The following MICAL2 variants were observed in gnomAD, a reference collection of about 807,000 sequenced individuals.
The protein encoded by MICAL2 is [F-actin]-monooxygenase MICAL2.
MICAL2 carries 77 observed loss-of-function variants against 127.3 expected under a neutral mutation model. The ratio of observed to expected loss-of-function variants is 0.60; its 90% CI spans 0.50 to 0.73. MICAL2 has a LOEUF of 0.73. Among genes scored for constraint, MICAL2 ranks in the 30% least tolerant of loss-of-function variants. The pLI, the probability that MICAL2 is intolerant of heterozygous loss-of-function variation, is 0.00. For synonymous variants in MICAL2, 570 were observed against 551.1 expected (o/e 1.03, Z -0.48); for missense variants, 1,351 against 1,434.4 (o/e 0.94, Z 0.94).
chr11:12,294,797 G>GCTTCTC (rs1555018668), downstream of MICAL2: 1 of 1,442,282 alleles, frequency 6.9e-7, no homozygotes, highest in African/African-American at 2.0e-5. Flanking sequence ...GCGCCAGGCA[G>GCTTCTC]CTCCTCCTCC....
At chr11:12,244,388 A>G (rs986979068) in intron 21 of MICAL2, among the ~76,000 whole-genome samples, 48 of 152,352 alleles carry the variant, frequency 3.2e-4, no homozygotes, top group African/African-American at 1.1e-3. Flanking sequence ...AGATGCTGAG[A>G]AAACAGAGAG....
At chr11:12,221,326 A>C (rs16910811) in intron 9 of MICAL2, among the ~76,000 whole-genome samples, 5,429 of 152,264 alleles carry the variant, frequency 0.036, 294 homozygotes, top group African/African-American at 0.12. Context: ...CCATTTGTTA[A>C]AATCAGCTTA....
chr11:12,205,089 A>T (rs1449447496), intron 4 of MICAL2, among the ~76,000 whole-genome samples: 2 of 152,208 alleles, frequency 1.3e-5, no homozygotes, highest in Admixed American at 6.5e-5. Flanking sequence ...GAGAGAGAAC[A>T]TCATGATGGG....
At chr11:12,154,233 T>A (rs1334525523) in intron 2 of MICAL2, among the ~76,000 whole-genome samples, 1 of 152,178 alleles carries the variant, frequency 6.6e-6, no homozygotes, top group African/African-American at 2.4e-5. Flanking sequence ...ATGTCAGGGT[T>A]TCATGCAGGA....
In MICAL2 at chr11:12,280,968, G is replaced by GC. The variant is rs1863764354; in HGVS notation, c.124dup (p.Ser43LeufsTer7). ...GAGTCTGACTATGGTGGCAGCGAGG[G>GC]CTCCCACACAGAACCCTGTGAAGAG... On this transcript the variant is annotated frameshift_variant, in exon 2 of 3. Coordinates refer to the MICAL2 transcript ENST00000529028. LOFTEE classifies it high-confidence loss of function. 3.0e-5 allele frequency: 12 copies of GC among 398,694 alleles called. No homozygotes were observed. Among genetic ancestry groups the GC allele is most frequent in the Middle Eastern group, 6.2e-4 (1 of 1,612 alleles). The allele number at this position is 398,694 out of a possible 1,614,324, so 24.7% of individuals were successfully genotyped here. A position where few individuals can be genotyped will look rare whatever the true frequency, so the allele number is the denominator to read the frequency against.
intron 29 of MICAL2, among the ~76,000 whole-genome samples, chr11:12,319,300 G>A (rs569518675): frequency 3.3e-5 from 5 of 152,232 alleles, no homozygotes; most frequent in Admixed American, 6.5e-5. Context: ...TCTGCAGAAC[G>A]AACCTTACAC....
intron 1 of MICAL2, among the ~76,000 whole-genome samples, chr11:12,124,761 G>A (rs1023731657): frequency 4.6e-5 from 7 of 152,192 alleles, no homozygotes; most frequent in Admixed American, 3.9e-4. Context: ...GGCTGGAGTT[G>A]CATTCAGAGT....
intron 15 of MICAL2, among the ~76,000 whole-genome samples, chr11:12,233,073 G>A (rs748088092): frequency 6.6e-6 from 1 of 152,180 alleles, no homozygotes; most frequent in Non-Finnish European, 1.5e-5. Flanking sequence ...CTAGGGTTTG[G>A]CAGTATCCAT....
intron 25 of MICAL2, among the ~76,000 whole-genome samples, chr11:12,259,405 A>G (rs543852401): frequency 6.6e-6 from 1 of 152,372 alleles, no homozygotes; most frequent in East Asian, 1.9e-4. Flanking sequence ...ATTCTAGTCT[A>G]TAAATGGTCA....
At chr11:12,295,001 G>T, downstream of MICAL2, 1 of 1,247,042 alleles carries the variant, frequency 8.0e-7, no homozygotes, top group Non-Finnish European at 1.0e-6. Flanking sequence ...CAAAAAATTT[G>T]AAAAAAATCT....
rs1024505223 is a variant in MICAL2 at position 12,190,357 on chromosome 11, C to A, written c.265-13893C>A. The stretch of plus-strand genomic sequence containing the variant: ...GGTTGGATATCAGATGTGTATCCAA[C>A]CCCCAGAAGATGGATCAAGGTGCAG... On this transcript the variant is annotated intron_variant, in intron 3 of 27. Coordinates refer to ENST00000683283, the MANE Select transcript of MICAL2 (RefSeq NM_001282663.2). Among the ~76,000 whole-genome samples, 26 of 152,102 alleles carry A rather than the reference C, an allele frequency of 1.7e-4. 1 individual carries two copies. Among genetic ancestry groups the A allele is most frequent in the Admixed American group, 1.7e-3 (26 of 15,282 alleles).
At chr11:12,238,532 T>C (rs80290159) in intron 16 of MICAL2, among the ~76,000 whole-genome samples, 13,308 of 152,154 alleles carry the variant, frequency 0.087, 643 homozygotes, top group Non-Finnish European at 0.095. Flanking sequence ...CCAACCCAGA[T>C]TGAGGGGCTT....
At chr11:12,325,467 A>G (rs1864344237) in intron 31 of MICAL2, among the ~76,000 whole-genome samples, 1 of 152,182 alleles carries the variant, frequency 6.6e-6, no homozygotes. Context: ...GCCATAACAA[A>G]GTACCACGGA....
In MICAL2 at chr11:12,242,675, G is replaced by T. The variant is rs1860142351; in HGVS notation, c.2561G>T (p.Arg854Met). The T allele has an allele frequency of 6.2e-7, 1 of 1,612,338 alleles. No homozygotes were observed. Among genetic ancestry groups the T allele is most frequent in the Non-Finnish European group, 8.5e-7 (1 of 1,179,062 alleles). The part of the protein sequence containing the change: ...QQVEEKILQK[R>M]AQNLANREFH... ...CCTTTCTCACCTTCACTGCAGAAGA[G>T]GGCTCAGAACTTGGCCAACAGGGAA... The change falls in exon 20 of 28, where the codon AGG (arginine) becomes ATG (methionine). Residue 854 changes from arginine to methionine, a missense_variant. Physicochemically the swap from Arg to Met is moderately conservative, Grantham distance 91. Around this residue, in one of 2 missense-constraint regions of MICAL2, gnomAD observed 752 missense variants for 719.4 expected, o/e 1.05. Coordinates refer to ENST00000683283, the MANE Select transcript of MICAL2 (RefSeq NM_001282663.2).
intron 2 of MICAL2, among the ~76,000 whole-genome samples, chr11:12,150,436 A>C (rs1053311648): frequency 5.9e-5 from 9 of 151,842 alleles, no homozygotes; most frequent in African/African-American, 2.2e-4. Context: ...GAAAAAAAAA[A>C]CAAACAAAAA....
intron 16 of MICAL2, 94 bp downstream of exon 16, chr11:12,236,339 C>T: frequency 8.9e-7 from 1 of 1,123,852 alleles, no homozygotes; most frequent in Non-Finnish European, 1.4e-6. Context: ...TGGCCCTGTT[C>T]CTTCCCTCTC....
chr11:12,143,565 C>G lies in MICAL2; in HGVS notation c.-78+5105C>G, dbSNP rs138516704. On this transcript the variant is annotated intron_variant, in intron 2 of 27. Transcript: ENST00000683283. ...TTTTCTGCATTTTGTGTCTCACACA[C>G]CAATGGAAGTGATTATTGATGGGGC... Among the ~76,000 whole-genome samples the G allele has an allele frequency of 2.0e-5, 3 of 152,278 alleles. No homozygotes were observed. In the East Asian group the frequency reaches 5.8e-4, roughly 29 times the overall value.
chr11:12,224,619 C>G, intron 12 of MICAL2, 54 bp from the exon 13 acceptor site: 1 of 1,585,084 alleles, frequency 6.3e-7, no homozygotes, highest in East Asian at 2.3e-5. Context: ...AGCGCCAGGG[C>G]AGACCGTGTG....
chr11:12,158,041 G>A (rs572320292), intron 2 of MICAL2, among the ~76,000 whole-genome samples: 1 of 152,238 alleles, frequency 6.6e-6, no homozygotes, highest in East Asian at 1.9e-4. Context: ...TATACAGGTT[G>A]ACTATACCTA....
Sources: allele counts gnomAD v4.1 joint callset (sites outside exome capture counted in the v4.1 genomes callset), GRCh38; gene constraint gnomAD v4.1.1; regional missense constraint gnomAD v4.1.1; transcripts MANE v1.5; gene names NCBI Gene and HGNC (gene_info 2026-07-23, HGNC 2026-07-21).